The following ZNF451 variants were observed in gnomAD, a reference collection of about 807,000 sequenced individuals.
ZNF451 encodes E3 SUMO-protein ligase ZNF451.
In ZNF451, 80 loss-of-function variants were observed where a neutral mutation model predicts 107.1. The ratio of observed to expected loss-of-function variants is 0.75; its 90% CI spans 0.62 to 0.90. ZNF451 has a LOEUF of 0.90. Among genes scored for constraint, ZNF451 ranks in the 40% least tolerant of loss-of-function variants. The pLI, the probability that ZNF451 is intolerant of heterozygous loss-of-function variation, is 0.00. For synonymous variants in ZNF451, 362 were observed against 406.5 expected (o/e 0.89, Z 1.32); for missense variants, 1,107 against 1,236.2 (o/e 0.90, Z 1.57).
At chr6:57,108,485 G>A (rs1221864856) in intron 3 of ZNF451, 6 of 985,088 alleles carry the variant, frequency 6.1e-6, no homozygotes, top group African/African-American at 1.7e-5. Flanking sequence ...AAATAAAAAC[G>A]TTTCCCCAAG....
At chr6:57,101,070 TC>T in intron 3 of ZNF451, 1 of 1,550,818 alleles carries the variant, frequency 6.4e-7, no homozygotes, top group Non-Finnish European at 8.7e-7. Flanking sequence ...ACTCCTCAGT[TC>T]CTTGGGACAT....
At chr6:57,153,811 T>G in intron 12 of ZNF451, 50 bp from the exon 13 acceptor site, 1 of 1,586,466 alleles carries the variant, frequency 6.3e-7, no homozygotes, top group Non-Finnish European at 8.6e-7. Context: ...TAACTTGTTT[T>G]GAAACTCATG....
At chr6:57,145,384 T>G (rs1160312012) in intron 9 of ZNF451, among the ~76,000 whole-genome samples, 1 of 152,220 alleles carries the variant, frequency 6.6e-6, no homozygotes, top group Non-Finnish European at 1.5e-5. Flanking sequence ...TCTGGGCTTT[T>G]AATGTCACTA....
chr6:57,111,149 G>A (rs2127948703), intron 3 of ZNF451, among the ~76,000 whole-genome samples: 1 of 152,108 alleles, frequency 6.6e-6, no homozygotes, highest in South Asian at 2.1e-4. Flanking sequence ...TCGAACTCCT[G>A]ACCTCAAGTG....
Position 57,147,264 on chromosome 6 carries a change from A to G in ZNF451, c.1179A>G (p.Ser393=), listed in dbSNP as rs1330703277. 1 of 1,614,134 alleles carries G rather than the reference A, an allele frequency of 6.2e-7. No individual in the cohort carries two copies. Among genetic ancestry groups the G allele is most frequent in the Admixed American group, 1.7e-5 (1 of 60,016 alleles). ...GACACAAAGTCCGAGTCATTAACTC[A>G]GTGGAAGAATCAGTCTTACTCTATT... ...NSGHKVRVIN[S]VEESVLLYCH... is the part of the protein sequence containing the mutation. The change falls in exon 10 of 15, where the codon TCA becomes TCG. Residue 393 remains serine, a synonymous_variant. Coordinates refer to ENST00000370706, the MANE Select transcript of ZNF451 (RefSeq NM_001031623.3).
At chr6:57,138,128 T>C (rs1054570006) in intron 7 of ZNF451, among the ~76,000 whole-genome samples, 8 of 152,200 alleles carry the variant, frequency 5.3e-5, no homozygotes, top group African/African-American at 1.9e-4. Flanking sequence ...CTAGGTCATA[T>C]GGTACCTTTT....
intron 3 of ZNF451, 59 bp from the exon 4 acceptor site, chr6:57,124,675 T>A (rs1028498059): frequency 1.6e-6 from 2 of 1,229,808 alleles, no homozygotes; most frequent in Admixed American, 1.9e-5. Flanking sequence ...TATGAATGGA[T>A]GTATATTATC....
intron 3 of ZNF451, among the ~76,000 whole-genome samples, chr6:57,111,377 T>G (rs971376551): frequency 6.6e-6 from 1 of 151,754 alleles, no homozygotes; most frequent in Non-Finnish European, 1.5e-5. Flanking sequence ...TTTTGTTTTT[T>G]TTTTTTTGTT....
chr6:57,144,834 C>T (rs1281508134), intron 9 of ZNF451, among the ~76,000 whole-genome samples: 1 of 151,986 alleles, frequency 6.6e-6, no homozygotes, highest in Non-Finnish European at 1.5e-5. Context: ...GTGGCTGAGG[C>T]AAGAGAATCG....
intron 10 of ZNF451, 82 bp downstream of exon 10, chr6:57,148,775 A>C: frequency 1.5e-6 from 2 of 1,345,236 alleles, no homozygotes; most frequent in Non-Finnish European, 2.0e-6. Context: ...ATTTTGAAGC[A>C]AGAAACAGGG....
At chr6:57,102,429 C>T (rs1829652247) in intron 3 of ZNF451, 1 of 1,013,044 alleles carries the variant, frequency 9.9e-7, no homozygotes, top group Admixed American at 5.4e-5. Context: ...AGATGTGTTC[C>T]TCAGGAAAAT....
chr6:57,152,546 A>G (rs1228264849), intron 12 of ZNF451, among the ~76,000 whole-genome samples, 195 bp downstream of exon 12: 1 of 152,174 alleles, frequency 6.6e-6, no homozygotes, highest in Non-Finnish European at 1.5e-5. Context: ...TCAGCTATCC[A>G]TAGTAGACCC....
At chr6:57,103,764 C>T (rs1018657373) in intron 3 of ZNF451, 2 of 985,146 alleles carry the variant, frequency 2.0e-6, no homozygotes, top group East Asian at 1.1e-4. Context: ...TATGTGGCTT[C>T]TGTTCTTGCC....
At chr6:57,143,566 A>G (rs994326502) in intron 9 of ZNF451, among the ~76,000 whole-genome samples, 20 of 152,292 alleles carry the variant, frequency 1.3e-4, no homozygotes, top group African/African-American at 4.8e-4. Flanking sequence ...TAAATTTCCC[A>G]CTAAGCACTG....
At position 57,148,083 on chromosome 6, in the gene ZNF451, A is replaced by G; in HGVS notation, c.1998A>G (p.Lys666=). Residue 666 remains lysine (K), a synonymous_variant, in exon 10 of 15, where the codon AAA becomes AAG. Transcript: ENST00000370706. ...QDEHDNEIKI[K]YFCGLCDLIF... ...AGCATGACAATGAGATAAAGATTAA[A>G]TACTTCTGTGGGCTTTGTGATCTTA... The G allele has an allele frequency of 6.2e-7, 1 of 1,614,090 alleles. No homozygotes were observed. Among genetic ancestry groups the G allele is most frequent in the Non-Finnish European group, 8.5e-7 (1 of 1,179,978 alleles).
At chr6:57,099,532 T>C (rs1297726059) in intron 3 of ZNF451, 2 of 716,604 alleles carry the variant, frequency 2.8e-6, no homozygotes, top group South Asian at 1.5e-5. Context: ...TTGTTTTCTC[T>C]TAGAAAAAAG....
chr6:57,153,557 G>A (rs1295571616), intron 12 of ZNF451, among the ~76,000 whole-genome samples: 4 of 151,750 alleles, frequency 2.6e-5, no homozygotes, highest in Non-Finnish European at 5.9e-5. Flanking sequence ...GATTACAAGC[G>A]CATGCCACCA....
intron 7 of ZNF451, among the ~76,000 whole-genome samples, chr6:57,138,431 T>G (rs1396758327): frequency 1.3e-5 from 2 of 151,390 alleles, no homozygotes; most frequent in African/African-American, 2.4e-5. Flanking sequence ...CCCGGCTAAT[T>G]TTTTGTATTT....
intron 3 of ZNF451, chr6:57,104,090 A>C: frequency 4.1e-6 from 4 of 984,262 alleles, no homozygotes; most frequent in Non-Finnish European, 3.6e-6. Context: ...TATTTATCTT[A>C]TTTTTCTGTA....
Sources: allele counts gnomAD v4.1 joint callset (sites outside exome capture counted in the v4.1 genomes callset), GRCh38; gene constraint gnomAD v4.1.1; transcripts MANE v1.5; gene names NCBI Gene and HGNC (gene_info 2026-07-23, HGNC 2026-07-21).